Variants in SMCO4 observed in about 807,000 individuals in gnomAD.
The protein encoded by SMCO4 is single-pass membrane and coiled-coil domain-containing protein 4.
In SMCO4, 4 loss-of-function variants were observed where a neutral mutation model predicts 3.6. The ratio of observed to expected loss-of-function variants is 1.11; its 90% confidence interval spans 0.54 to 2.53. SMCO4 has a LOEUF of 2.53. SMCO4 is among the 30% of genes most tolerant of loss of function. The pLI, the probability that SMCO4 is intolerant of heterozygous loss-of-function variation, is 0.02. For synonymous variants in SMCO4, 36 were observed against 35.3 expected, an observed-to-expected ratio of 1.02 and a Z score of -0.07; for missense variants, 70 against 80.8, an observed-to-expected ratio of 0.87 and a Z score of 0.51.
At position 93,514,408 on chromosome 11, in the gene SMCO4, A is replaced by ATG. The variant is rs1565383070; in HGVS notation, c.-153-15061_-153-15060insCA. On this transcript the variant is annotated intron_variant, in intron 1 of 2. Coordinates refer to ENST00000298966, the MANE Select transcript of SMCO4 (RefSeq NM_020179.3). ...TATATATATATATATATATATATAT[A>ATG]TATATATATATATAAAATTTGGTCT... Among the ~76,000 whole-genome samples, 226 of 28,824 alleles carry ATG rather than the reference A, an allele frequency of 7.8e-3. 6 individuals are homozygous for ATG. Among genetic ancestry groups the ATG allele is most frequent in the African/African-American group, 0.023 (212 of 9,320 alleles). 18.9% of individuals were successfully genotyped at this position (28,824 alleles called of 152,430 possible). A position where few individuals can be genotyped will look rare whatever the true frequency, so the allele number is the denominator to read the frequency against.
At chr11:93,514,029 C>T (rs1241104411) in intron 1 of SMCO4, among the ~76,000 whole-genome samples, 2 of 152,102 alleles carry the variant, frequency 1.3e-5, no homozygotes, top group African/African-American at 2.4e-5. Context: ...CTCTTTATTC[C>T]CCAGACCTCC....
intron 2 of SMCO4, among the ~76,000 whole-genome samples, chr11:93,480,907 G>C (rs768533364): frequency 5.3e-5 from 8 of 152,166 alleles, no homozygotes; most frequent in Non-Finnish European, 1.2e-4. Context: ...AGTTTCCTAA[G>C]GTATGAGATG....
At chr11:93,522,086 C>A (rs1325373590) in intron 1 of SMCO4, among the ~76,000 whole-genome samples, 1 of 120,836 alleles carries the variant, frequency 8.3e-6, no homozygotes, top group Non-Finnish European at 1.7e-5. Flanking sequence ...CTTTTTGGCA[C>A]AAACTTTAAA....
intron 1 of SMCO4, among the ~76,000 whole-genome samples, chr11:93,529,081 C>CA (rs1477348145): frequency 6.6e-6 from 1 of 152,164 alleles, no homozygotes; most frequent in Non-Finnish European, 1.5e-5. Context: ...AACAAGGAAG[C>CA]AAAGCCTGCC....
intron 1 of SMCO4, among the ~76,000 whole-genome samples, chr11:93,524,478 C>T (rs1371075605): frequency 6.6e-6 from 1 of 152,078 alleles, no homozygotes; most frequent in Non-Finnish European, 1.5e-5. Context: ...GAGTGACTTC[C>T]CTTAAGAATC....
intron 1 of SMCO4, among the ~76,000 whole-genome samples, chr11:93,534,293 CACAT>C (rs1224770773): frequency 4.1e-5 from 6 of 146,936 alleles, no homozygotes; most frequent in African/African-American, 1.5e-4. Context: ...TATACACACA[CACAT>C]ATATATACAT....
At chr11:93,538,794 C>A (rs1434019740) in intron 1 of SMCO4, among the ~76,000 whole-genome samples, 1 of 152,216 alleles carries the variant, frequency 6.6e-6, no homozygotes, top group African/African-American at 2.4e-5. Flanking sequence ...ACCACTGCCA[C>A]TGTCTTAATG....
chr11:93,504,693 T>TCAA (rs1309364399), intron 1 of SMCO4, among the ~76,000 whole-genome samples: 12 of 152,344 alleles, frequency 7.9e-5, no homozygotes, highest in African/African-American at 2.4e-4. Flanking sequence ...TTTTACTGTA[T>TCAA]CAACATCATG....
At chr11:93,492,019 C>T (rs1948723444) in intron 2 of SMCO4, among the ~76,000 whole-genome samples, 1 of 152,154 alleles carries the variant, frequency 6.6e-6, no homozygotes, top group Admixed American at 6.5e-5. Context: ...ATTACAGAGC[C>T]TGGCTGATGG....
chr11:93,547,881 A>G (rs1419976504), upstream of SMCO4, among the ~76,000 whole-genome samples: 1 of 152,234 alleles, frequency 6.6e-6, no homozygotes, highest in East Asian at 1.9e-4. Context: ...AACCTTGTGC[A>G]TCAGAGATAA....
At chr11:93,493,334 G>C (rs1373330318) in intron 2 of SMCO4, among the ~76,000 whole-genome samples, 1 of 152,114 alleles carries the variant, frequency 6.6e-6, no homozygotes, top group Non-Finnish European at 1.5e-5. Context: ...GAACAGAGGA[G>C]AGCTCTCCCA....
intron 1 of SMCO4, among the ~76,000 whole-genome samples, chr11:93,528,660 C>T (rs1473802441): frequency 9.2e-5 from 14 of 152,172 alleles, no homozygotes; most frequent in Non-Finnish European, 1.8e-4. Context: ...AGGGGCTGCC[C>T]AGAGTGGGTG....
intron 1 of SMCO4, among the ~76,000 whole-genome samples, chr11:93,520,808 A>T (rs1398203565): frequency 1.3e-5 from 2 of 152,206 alleles, no homozygotes; most frequent in Non-Finnish European, 2.9e-5. Flanking sequence ...GCCAAAACCA[A>T]GTCTCTTTGG....
intron 1 of SMCO4, among the ~76,000 whole-genome samples, chr11:93,519,142 T>C (rs1358986468): frequency 6.6e-6 from 1 of 152,182 alleles, no homozygotes; most frequent in Non-Finnish European, 1.5e-5. Flanking sequence ...AGGGTGCACA[T>C]ATGCCCTTGT....
intron 1 of SMCO4, among the ~76,000 whole-genome samples, chr11:93,517,803 C>T (rs1192738951): frequency 1.3e-5 from 2 of 152,208 alleles, no homozygotes; most frequent in Non-Finnish European, 2.9e-5. Flanking sequence ...AAGCCAAGAT[C>T]CCAGCCCCAG....
upstream of SMCO4, among the ~76,000 whole-genome samples, chr11:93,544,815 G>A (rs1452726754): frequency 6.6e-6 from 1 of 152,062 alleles, no homozygotes; most frequent in Non-Finnish European, 1.5e-5. Flanking sequence ...TTCATGATCC[G>A]GTCTGTGAAG....
intron 1 of SMCO4, among the ~76,000 whole-genome samples, chr11:93,510,151 C>G (rs1222428370): frequency 1.3e-5 from 2 of 152,184 alleles, no homozygotes; most frequent in African/African-American, 2.4e-5. Context: ...ATCATGGACT[C>G]TGAGTACAGG....
At chr11:93,492,084 C>T (rs1301436150) in intron 2 of SMCO4, among the ~76,000 whole-genome samples, 1 of 152,204 alleles carries the variant, frequency 6.6e-6, no homozygotes, top group Non-Finnish European at 1.5e-5. Context: ...GAAACAATAG[C>T]ACACATCAAA....
At chr11:93,515,004 A>C (rs773472053) in intron 1 of SMCO4, among the ~76,000 whole-genome samples, 7 of 152,204 alleles carry the variant, frequency 4.6e-5, no homozygotes, top group Non-Finnish European at 8.8e-5. Context: ...TAAATGCACC[A>C]TTACTCTAAA....
Sources: gnomAD v4.1 joint callset for allele counts (sites outside exome capture counted in the v4.1 genomes callset) on GRCh38, gnomAD v4.1.1 for gene constraint, MANE v1.5 for transcripts, NCBI Gene and HGNC (gene_info 2026-07-23, HGNC 2026-07-21) for gene names.